The following RPTOR variants were observed in gnomAD, a reference collection of about 807,000 sequenced individuals.
RPTOR encodes regulatory associated protein of MTOR complex 1.
Under a neutral mutation model 169.9 loss-of-function variants are expected in RPTOR, and 21 were observed. The observed-to-expected ratio is 0.12, with a 90% CI of 0.09 to 0.18. The LOEUF is 0.18. RPTOR is among the 10% of genes least tolerant of loss of function. The pLI is 1.00. For synonymous variants in RPTOR, 732 were observed against 753.2 expected (o/e 0.97, Z 0.46); for missense variants, 1,133 against 1,855.9 (o/e 0.61, Z 7.16).
chr17:80,912,616 C>T (rs2068625950), intron 21 of RPTOR, among the ~76,000 whole-genome samples: 1 of 152,170 alleles, frequency 6.6e-6, no homozygotes. Context: ...CTGCTCTCTG[C>T]TCTTCAGCAA....
chr17:80,920,346 T>C (rs1294192764), intron 21 of RPTOR, among the ~76,000 whole-genome samples: 1 of 152,106 alleles, frequency 6.6e-6, no homozygotes, highest in Non-Finnish European at 1.5e-5. Context: ...CCCCCTGTGG[T>C]CACTACACTA....
At chr17:80,657,670 C>A (rs1304386468) in intron 3 of RPTOR, among the ~76,000 whole-genome samples, 1 of 152,166 alleles carries the variant, frequency 6.6e-6, no homozygotes, top group African/African-American at 2.4e-5. Context: ...TTTGCCCTGT[C>A]TGGAGATGCA....
At chr17:80,920,367 G>A (rs1459143306) in intron 21 of RPTOR, among the ~76,000 whole-genome samples, 2 of 152,238 alleles carry the variant, frequency 1.3e-5, no homozygotes, top group African/African-American at 4.8e-5. Context: ...ATGGGGGTGG[G>A]GGGGGCTCCT....
At chr17:80,777,996 T>C (rs1489467822) in intron 6 of RPTOR, among the ~76,000 whole-genome samples, 1 of 152,192 alleles carries the variant, frequency 6.6e-6, no homozygotes, top group Non-Finnish European at 1.5e-5. Context: ...AAAGTGTTAT[T>C]TCATTATGCA....
chr17:80,673,970 C>T (rs2065841873), intron 3 of RPTOR, among the ~76,000 whole-genome samples: 1 of 152,190 alleles, frequency 6.6e-6, no homozygotes, highest in Non-Finnish European at 1.5e-5. Context: ...GTTGGTCTGC[C>T]ACTGAGAGTG....
intron 13 of RPTOR, among the ~76,000 whole-genome samples, chr17:80,872,519 G>C (rs2068062444): frequency 6.6e-6 from 1 of 152,220 alleles, no homozygotes; most frequent in Admixed American, 6.5e-5. Context: ...ACCAGGCTAG[G>C]TGACATGCAC....
intron 2 of RPTOR, among the ~76,000 whole-genome samples, chr17:80,641,498 T>C (rs2065553753): frequency 6.6e-6 from 1 of 152,142 alleles, no homozygotes; most frequent in Non-Finnish European, 1.5e-5. Flanking sequence ...TACATATAGC[T>C]AAAAAAATAA....
At chr17:80,689,977 AACTTT>A (rs955564211) in intron 3 of RPTOR, among the ~76,000 whole-genome samples, 30 of 152,324 alleles carry the variant, frequency 2.0e-4, no homozygotes, top group African/African-American at 6.5e-4. Context: ...TAAAGTAGGA[AACTTT>A]ACTTTACCAT....
At chr17:80,752,089 T>A (rs1288299303) in intron 5 of RPTOR, among the ~76,000 whole-genome samples, 1 of 152,272 alleles carries the variant, frequency 6.6e-6, no homozygotes, top group Non-Finnish European at 1.5e-5. Context: ...CTACATGACA[T>A]GCCCAGGCAT....
In RPTOR at chr17:80,633,836, G is replaced by A. The variant is rs764009036; in HGVS notation, c.265+8043G>A. Among the ~76,000 whole-genome samples, 7 of 152,160 alleles carry A rather than the reference G, an allele frequency of 4.6e-5. No individual in the cohort carries two copies. The highest frequency in any genetic ancestry group is 8.8e-5 in the Non-Finnish European group (6 of 68,022). ...TTGGTGCCGAGCTTGTCTCCCTCTGGTTGTTGGGAACCCATTGGGCCGGCT... is the reference window on the plus strand; with the variant it reads ...TTGGTGCCGAGCTTGTCTCCCTCTGATTGTTGGGAACCCATTGGGCCGGCT... On this transcript the variant is annotated intron_variant, in intron 2 of 33. Coordinates refer to ENST00000306801, the MANE Select transcript of RPTOR (RefSeq NM_020761.3). The surrounding 1 kb of genome is among the most constrained non-coding windows in gnomAD (Gnocchi z 4.1).
chr17:80,807,658 C>CT (rs966975190), intron 7 of RPTOR, among the ~76,000 whole-genome samples: 335 of 149,072 alleles, frequency 2.2e-3, no homozygotes, highest in Middle Eastern at 6.9e-3. Context: ...GGCCAAGCCC[C>CT]TTTTTTTTTT....
At chr17:80,634,490 T>C (rs1237862318) in intron 2 of RPTOR, among the ~76,000 whole-genome samples, 2 of 107,086 alleles carry the variant, frequency 1.9e-5, no homozygotes, top group African/African-American at 5.0e-5. Context: ...TGTGTGTGCA[T>C]ACTGTGTGTG....
chr17:80,612,093 A>C (rs978038387), intron 1 of RPTOR, among the ~76,000 whole-genome samples: 4 of 152,194 alleles, frequency 2.6e-5, no homozygotes, highest in Non-Finnish European at 5.9e-5. Context: ...TTTAACTTAG[A>C]AGATTTGCTC....
intron 7 of RPTOR, among the ~76,000 whole-genome samples, chr17:80,796,832 G>T (rs2067106362): frequency 6.6e-6 from 1 of 152,238 alleles, no homozygotes; most frequent in South Asian, 2.1e-4. Flanking sequence ...CCGCCTCACA[G>T]TGTGACAGAG....
At chr17:80,814,731 A>G (rs890306099) in intron 7 of RPTOR, among the ~76,000 whole-genome samples, 15 of 152,208 alleles carry the variant, frequency 9.9e-5, no homozygotes, top group African/African-American at 3.4e-4. Flanking sequence ...AAGCATCGTA[A>G]CAGCAAGATG....
At chr17:80,921,111 G>T (rs1033418077) in intron 21 of RPTOR, among the ~76,000 whole-genome samples, 1 of 152,238 alleles carries the variant, frequency 6.6e-6, no homozygotes. Flanking sequence ...GGATCGTTTT[G>T]TTTTCCTTGG....
chr17:80,962,076 G>T (rs2069350516), intron 31 of RPTOR, among the ~76,000 whole-genome samples: 1 of 152,196 alleles, frequency 6.6e-6, no homozygotes, highest in Non-Finnish European at 1.5e-5. Flanking sequence ...TCGGGCCACA[G>T]CCTGCCATCC....
chr17:80,764,341 G>C (rs1261538423), intron 6 of RPTOR, among the ~76,000 whole-genome samples: 1 of 127,484 alleles, frequency 7.8e-6, no homozygotes, highest in Non-Finnish European at 1.6e-5. Context: ...GGCCCAGAGT[G>C]TGATGTTCCC....
At chr17:80,567,047 T>G (rs75979103) in intron 1 of RPTOR, among the ~76,000 whole-genome samples, 35,958 of 151,566 alleles carry the variant, frequency 0.24, 5,256 homozygotes, top group East Asian at 0.42. Context: ...CTCGGCTCAC[T>G]GCAACCTCTG....
Sources: gnomAD v4.1 joint callset for allele counts (sites outside exome capture counted in the v4.1 genomes callset) on GRCh38, gnomAD v4.1.1 for gene constraint, Gnocchi (gnomAD v3.1) non-coding constraint, MANE v1.5 for transcripts, NCBI Gene and HGNC (gene_info 2026-07-23, HGNC 2026-07-21) for gene names.